Variants in ITGA5 observed in about 807,000 individuals in gnomAD.
The protein encoded by ITGA5 is integrin alpha-5.
In ITGA5, 55 loss-of-function variants were observed where a neutral mutation model predicts 146.3. That is an observed-to-expected ratio of 0.38 (90% CI 0.30 to 0.47). ITGA5 has a LOEUF of 0.47. ITGA5 is among the 20% of genes least tolerant of loss of function. The pLI is 0.99. For missense variants in ITGA5, 1,131 were observed against 1,329.0 expected (o/e 0.85, Z 2.32); for synonymous variants, 500 against 531.8 (o/e 0.94, Z 0.82).
chr12:54,398,525 C>G (rs1955742712), intron 28 of ITGA5, 72 bp downstream of exon 28: 1 of 1,108,078 alleles, frequency 9.0e-7, no homozygotes. Context: ...CCAGCCCTCA[C>G]CCAAGTCCCA....
At chr12:54,404,346 G>A in intron 14 of ITGA5, 84 bp downstream of exon 14, 1 of 1,575,388 alleles carries the variant, frequency 6.3e-7, no homozygotes, top group Non-Finnish European at 8.7e-7. Flanking sequence ...CCTCTGCATT[G>A]ATTTTCCCAA....
At position 54,404,204 on chromosome 12, in the gene ITGA5, G is replaced by C; in HGVS notation, c.1506C>G (p.Phe502Leu). ...GCTCCTCTGGGTTGAACATGGCGGG[G>C]AAGATGGTGAGGGAGGCACTAGCGG... is the stretch of plus-strand genomic sequence containing the variant. ...IVSASASLTI[F>L]PAMFNPEERS... is the part of the protein sequence containing the mutation. The change falls in exon 15 of 30, where the codon TTC (phenylalanine) becomes TTG (leucine). Residue 502 changes from phenylalanine (F) to leucine (L), a missense_variant. Transcript: ENST00000293379. 1 of 1,602,736 alleles carries C rather than the reference G, an allele frequency of 6.2e-7. No individual in the cohort carries two copies. The highest frequency in any genetic ancestry group is 8.5e-7 in the Non-Finnish European group (1 of 1,174,208).
At chr12:54,410,380 C>G (rs1324148908) in intron 2 of ITGA5, among the ~76,000 whole-genome samples, 4 of 139,894 alleles carry the variant, frequency 2.9e-5, no homozygotes, top group Admixed American at 7.3e-5. Flanking sequence ...GGGTCTCACT[C>G]TGTTGCCCAG....
At chr12:54,400,749 C>T (rs899952554) in intron 25 of ITGA5, 97 bp downstream of exon 25, 3 of 1,242,280 alleles carry the variant, frequency 2.4e-6, no homozygotes, top group East Asian at 2.4e-5. Flanking sequence ...GGCACATCCT[C>T]ATTGCCTCTT....
rs186331345 is a variant in ITGA5, at chr12:54,396,135, C to G, written c.*158G>C. The G allele has an allele frequency of 1.4e-3, 833 of 610,302 alleles. 2 individuals carry two copies. The Middle Eastern group carries it at 0.024, about 17-fold the overall frequency. 37.8% of individuals were successfully genotyped at this position (610,302 alleles called of 1,614,324 possible). A position where few individuals can be genotyped will look rare whatever the true frequency, so the allele number is the denominator to read the frequency against. On this transcript the variant is annotated 3_prime_UTR_variant, in exon 30 of 30. Coordinates refer to ENST00000293379, the MANE Select transcript of ITGA5 (RefSeq NM_002205.5). ...GGGGGAGGGATCCCCAGCTCCTCAC[C>G]CCCCTGGCTCTGGCCCTTCAAGTAT... is the stretch of plus-strand genomic sequence containing the variant.
intron 1 of ITGA5, among the ~76,000 whole-genome samples, chr12:54,414,704 G>A (rs772287928): frequency 1.0e-4 from 15 of 150,748 alleles, no homozygotes; most frequent in East Asian, 1.9e-4. Flanking sequence ...AAAATTATCC[G>A]GGCGTGGTGG....
chr12:54,406,191 C>G (rs1955864292), intron 9 of ITGA5: 1 of 541,656 alleles, frequency 1.8e-6, no homozygotes, highest in African/African-American at 1.9e-5. Context: ...TCTCTACCCA[C>G]TAGAATGTAA....
At chr12:54,412,819 C>T (rs148281783) in intron 1 of ITGA5, among the ~76,000 whole-genome samples, 6 of 152,304 alleles carry the variant, frequency 3.9e-5, no homozygotes, top group Non-Finnish European at 5.9e-5. Flanking sequence ...TCTCTTGCCT[C>T]CAAGACCTCC....
In ITGA5 at chr12:54,409,039, A is replaced by G; in HGVS notation, c.584-85T>C. ...GAGAGGGCATAGGGAAGGAGGTGGG[A>G]GAGAGAACCAGAGAAAGGGCCTTCC... On this transcript the variant is annotated intron_variant, in intron 4 of 29. Transcript: ENST00000293379. This position sits in a 1 kb window ranked among gnomAD's most constrained non-coding sequence, Gnocchi z 4.7. 6.9e-7 allele frequency: 1 copy of G among 1,444,928 alleles called. No homozygotes were observed. The highest frequency in any genetic ancestry group is 1.2e-5 in the South Asian group (1 of 86,458). The allele number at this position is 1,444,928 out of a possible 1,614,324, so 89.5% of individuals were successfully genotyped here.
At position 54,401,429 on chromosome 12, in the gene ITGA5, G is replaced by T. The variant is rs757032816; in HGVS notation, c.2437C>A (p.Arg813=). The T allele has an allele frequency of 6.2e-7, 1 of 1,613,956 alleles. No individual in the cohort carries two copies. The stretch of plus-strand genomic sequence containing the variant: ...TCCTCCTCCTTCTGAGGCTGGTCTC[G>T]GGGATGCCAGTCGCTTACTGGGAAT... The part of the protein sequence containing the change: ...VLFPVSDWHP[R]DQPQKEEDLG... The change falls in exon 24 of 30, where the codon CGA becomes AGA. Residue 813 remains arginine, a synonymous_variant. Transcript: ENST00000293379. This position sits in a 1 kb window ranked among gnomAD's most constrained non-coding sequence, Gnocchi z 5.0.
chr12:54,418,937 G>A (rs1956042797), intron 1 of ITGA5, 44 bp downstream of exon 1: 1 of 1,602,406 alleles, frequency 6.2e-7, no homozygotes, highest in Non-Finnish European at 8.5e-7. Flanking sequence ...CAGTCTCCAG[G>A]CGGCTCCCCC....
In ITGA5 at chr12:54,403,861, C is replaced by G. The variant is rs757961393; in HGVS notation, c.1621+50G>C. On this transcript the variant is annotated intron_variant, in intron 16 of 29. Coordinates refer to ENST00000293379, the MANE Select transcript of ITGA5 (RefSeq NM_002205.5). This position sits in a 1 kb window ranked among gnomAD's most constrained non-coding sequence, Gnocchi z 4.9. ...GAAGAAATGTCCCCAGGTCCCCAGT[C>G]CCTTCATTCTCTGTCCTAGGGCCTG... The G allele has an allele frequency of 6.2e-7, 1 of 1,612,114 alleles. No homozygotes were observed. The highest frequency in any genetic ancestry group is 8.5e-7 in the Non-Finnish European group (1 of 1,178,282).
At chr12:54,404,663 G>C (rs369902707) in intron 13 of ITGA5, 40 bp downstream of exon 13, 1 of 1,575,448 alleles carries the variant, frequency 6.3e-7, no homozygotes, top group East Asian at 2.2e-5. Flanking sequence ...TCAGTGACCA[G>C]GGAATTTTAA....
At position 54,407,826 on chromosome 12, in the gene ITGA5, A is replaced by T; in HGVS notation, c.862+6T>A. The T allele has an allele frequency of 6.2e-7, 1 of 1,605,072 alleles. No homozygotes were observed. Among genetic ancestry groups the T allele is most frequent in the Non-Finnish European group, 8.5e-7 (1 of 1,174,900 alleles). ...TCCCTTGGCCCCAGCCTGGGGACAC[A>T]CTCACCTTCTGTGTCATCACCACTG... On this transcript the variant is annotated splice_donor_region_variant and intron_variant, in intron 8 of 29. Coordinates refer to ENST00000293379, the MANE Select transcript of ITGA5 (RefSeq NM_002205.5).
chr12:54,419,152 C>G lies in ITGA5; in HGVS notation c.47G>C (p.Arg16Pro), dbSNP rs752230652. Residue 16 changes from arginine to proline, a missense_variant, in exon 1 of 30, where the codon CGC becomes CCC. Arg to Pro is a moderately radical substitution (Grantham distance 103). Coordinates refer to ENST00000293379, the MANE Select transcript of ITGA5 (RefSeq NM_002205.5). ...CGGGGGTCGGCGCCGGGGGCCCCAG[C>G]GCAGCTGCACGGCGTGGAGAGGGGA... The part of the protein sequence containing the change: ...PESPLHAVQL[R>P]WGPRRRPPLL... 6.3e-7 allele frequency: 1 copy of G among 1,585,434 alleles called. No individual in the cohort carries two copies. Among genetic ancestry groups the G allele is most frequent in the African/African-American group, 1.4e-5 (1 of 74,056 alleles).
At chr12:54,412,140 AGGC>A (rs1955954047) in intron 1 of ITGA5, among the ~76,000 whole-genome samples, 176 bp from the exon 2 acceptor site, 1 of 152,134 alleles carries the variant, frequency 6.6e-6, no homozygotes, top group African/African-American at 2.4e-5. Context: ...GGCTGGAGTC[AGGC>A]GGTCCCCATG....
At chr12:54,414,744 G>A (rs1955985564) in intron 1 of ITGA5, among the ~76,000 whole-genome samples, 1 of 151,126 alleles carries the variant, frequency 6.6e-6, no homozygotes, top group South Asian at 2.2e-4. Flanking sequence ...CTACTAGGGA[G>A]GCTGAGGCAG....
rs1181083370 is a variant in ITGA5 at position 54,419,261 on chromosome 12, G to A, written c.-63C>T. Reference sequence around the variant, plus strand: ...GAGCCGCTTCCTAAACCTCCCAGAGGCGAATGACTCAACGCGGGGAGGAGT... The same window carrying A: ...GAGCCGCTTCCTAAACCTCCCAGAGACGAATGACTCAACGCGGGGAGGAGT... On this transcript the variant is annotated 5_prime_UTR_variant, in exon 1 of 30. Coordinates refer to ENST00000293379, the MANE Select transcript of ITGA5 (RefSeq NM_002205.5). The A allele has an allele frequency of 6.6e-7, 1 of 1,511,078 alleles. No homozygotes were observed. Among genetic ancestry groups the A allele is most frequent in the Admixed American group, 2.0e-5 (1 of 50,532 alleles). The allele number at this position is 1,511,078 out of a possible 1,614,324, so 93.6% of individuals were successfully genotyped here. A position where few individuals can be genotyped will look rare whatever the true frequency, so the allele number is the denominator to read the frequency against.
chr12:54,405,579 C>T (rs752623577), intron 11 of ITGA5, 85 bp downstream of exon 11: 145 of 1,287,298 alleles, frequency 1.1e-4, no homozygotes, highest in Non-Finnish European at 1.6e-4. Flanking sequence ...CCTGGAGAAA[C>T]TCTCCTTGCA....
Sources: gnomAD v4.1 joint callset for allele counts (sites outside exome capture counted in the v4.1 genomes callset) on GRCh38, gnomAD v4.1.1 for gene constraint, Gnocchi (gnomAD v3.1) non-coding constraint, MANE v1.5 for transcripts, NCBI Gene and HGNC (gene_info 2026-07-23, HGNC 2026-07-21) for gene names.